OVOL2: variants seen among roughly 807,000 people sequenced by gnomAD.
OVOL2 encodes the protein ovo like zinc finger 2.
OVOL2 carries 13 observed loss-of-function variants against 18.1 expected under a neutral mutation model. The ratio of observed to expected loss-of-function variants is 0.72; its 90% CI spans 0.47 to 1.14. OVOL2 has a LOEUF of 1.14. OVOL2 is among the 50% of genes most tolerant of loss of function. The probability of loss-of-function intolerance (pLI) is 0.00; values close to 1 mark genes in which losing one functional copy is unlikely to be tolerated. For synonymous variants in OVOL2, 166 were observed against 162.7 expected (o/e 1.02, Z -0.16); for missense variants, 335 against 383.0 (o/e 0.87, Z 1.05).
chr20:18,045,005 C>A (rs2036712374), intron 2 of OVOL2, among the ~76,000 whole-genome samples: 1 of 152,196 alleles, frequency 6.6e-6, no homozygotes, highest in African/African-American at 2.4e-5. Context: ...CAAGAGGGAG[C>A]CACTGGAAGA....
rs1485615567 is a variant in OVOL2, at chr20:18,037,009, G to A, written c.511+4525C>T. ...AAATTAGCCAGGCTTGGTAGCGGGC[G>A]CCTGTAGTCCCAGCTACTCGGGAGG... On this transcript the variant is annotated intron_variant, in intron 3 of 3. Transcript: ENST00000278780. 1.4e-4 allele frequency among the ~76,000 whole-genome samples: 21 copies of A among 151,910 alleles called. No homozygotes were observed. The East Asian group carries it at 1.6e-3, about 11-fold the overall frequency.
At chr20:18,043,831 G>A (rs759533829) in intron 2 of OVOL2, among the ~76,000 whole-genome samples, 3 of 152,120 alleles carry the variant, frequency 2.0e-5, no homozygotes, top group Non-Finnish European at 4.4e-5. Context: ...TTCAATTTTA[G>A]TATCTGATTT....
chr20:18,029,401 C>T (rs62206505), intron 3 of OVOL2, among the ~76,000 whole-genome samples: 20,563 of 152,136 alleles, frequency 0.14, 1,550 homozygotes, highest in East Asian at 0.32. Context: ...TTTGTTAAAG[C>T]TTCCCCAGGA....
upstream of OVOL2, chr20:18,058,975 C>T (rs1216142724): frequency 1.3e-5 from 2 of 152,290 alleles, no homozygotes; most frequent in East Asian, 1.9e-4. Flanking sequence ...TGCGGTCGCC[C>T]TCCTCCAGGA....
At chr20:18,049,340 G>T (rs936537762) in intron 2 of OVOL2, among the ~76,000 whole-genome samples, 8 of 152,000 alleles carry the variant, frequency 5.3e-5, no homozygotes, top group Admixed American at 2.0e-4. Flanking sequence ...ACTTCTAAAG[G>T]TGAAAACAAC....
At position 18,056,760 on chromosome 20, in the gene OVOL2, G is replaced by T; in HGVS notation, c.218C>A (p.Ser73Tyr). ...GEPGGAESSS[S>Y]PHAPESETPE... ...GGTTTCGCTCTCGGGGGCGTGCGGGGACGAGCTGCTCTCTGCTCCTCCAGG... is the reference window on the plus strand; with the variant it reads ...GGTTTCGCTCTCGGGGGCGTGCGGGTACGAGCTGCTCTCTGCTCCTCCAGG... Residue 73 changes from serine to tyrosine, a missense_variant, in exon 2 of 4, where the codon TCC becomes TAC. Coordinates refer to ENST00000278780, the MANE Select transcript of OVOL2 (RefSeq NM_021220.4). This position sits in a 1 kb window ranked among gnomAD's most constrained non-coding sequence, Gnocchi z 4.2. 1 of 1,499,726 alleles carries T rather than the reference G, an allele frequency of 6.7e-7. No individual in the cohort carries two copies. The highest frequency in any genetic ancestry group is 8.8e-7 in the Non-Finnish European group (1 of 1,132,016). 92.9% of individuals were successfully genotyped at this position (1,499,726 alleles called of 1,614,324 possible).
chr20:18,046,320 A>C (rs2122716290), intron 2 of OVOL2, among the ~76,000 whole-genome samples: 1 of 152,354 alleles, frequency 6.6e-6, no homozygotes, highest in South Asian at 2.1e-4. Context: ...GAACTTGTGA[A>C]AAAACGGTGG....
intron 2 of OVOL2, among the ~76,000 whole-genome samples, chr20:18,044,901 A>C (rs1300348851): frequency 6.6e-6 from 1 of 152,184 alleles, no homozygotes; most frequent in East Asian, 1.9e-4. Context: ...CTGGGAGAGC[A>C]GTTAATGAAG....
chr20:18,026,119 T>C (rs2036512781), intron 3 of OVOL2, among the ~76,000 whole-genome samples: 1 of 152,222 alleles, frequency 6.6e-6, no homozygotes, highest in African/African-American at 2.4e-5. Flanking sequence ...AGGTACAATA[T>C]AGAGCAGGGA....
At chr20:18,028,340 C>T (rs2036538427) in intron 3 of OVOL2, among the ~76,000 whole-genome samples, 1 of 151,828 alleles carries the variant, frequency 6.6e-6, no homozygotes, top group Admixed American at 6.6e-5. Flanking sequence ...CAACAGCCAT[C>T]TAATTTTTTT....
At chr20:18,058,411 C>CA (rs112080002), upstream of OVOL2, among the ~76,000 whole-genome samples, 1 of 149,932 alleles carries the variant, frequency 6.7e-6, no homozygotes, top group African/African-American at 2.5e-5. Context: ...AACACCCCCC[C>CA]CCCATAAGCA....
At position 18,024,449 on chromosome 20, in the gene OVOL2, G is replaced by T; in HGVS notation, c.*187C>A. ...TGCGCCAGACAGGACACAGGTTACA[G>T]GGCCTGACGTCACTAACGGCAACTG... is the stretch of plus-strand genomic sequence containing the variant. On this transcript the variant is annotated 3_prime_UTR_variant, in exon 4 of 4. Transcript: ENST00000278780. The T allele has an allele frequency of 7.7e-7, 1 of 1,296,318 alleles. No homozygotes were observed. The allele number at this position is 1,296,318 out of a possible 1,614,324, so 80.3% of individuals were successfully genotyped here. A position where few individuals can be genotyped will look rare whatever the true frequency, so the allele number is the denominator to read the frequency against.
chr20:18,052,646 A>G (rs2036780726), intron 2 of OVOL2, among the ~76,000 whole-genome samples: 1 of 152,238 alleles, frequency 6.6e-6, no homozygotes, highest in Admixed American at 6.5e-5. Context: ...CTGCACCACT[A>G]CAAGACTCGA....
At chr20:18,025,697 G>C (rs558521755) in intron 3 of OVOL2, among the ~76,000 whole-genome samples, 166 of 152,316 alleles carry the variant, frequency 1.1e-3, no homozygotes, top group African/African-American at 3.9e-3. Flanking sequence ...GGAGGGGTAG[G>C]ATCCAGTAGA....
At chr20:18,036,579 T>A (rs1374934134) in intron 3 of OVOL2, among the ~76,000 whole-genome samples, 2 of 152,142 alleles carry the variant, frequency 1.3e-5, no homozygotes, top group Non-Finnish European at 2.9e-5. Flanking sequence ...CTAACTTAAA[T>A]GATTTTCAGC....
At chr20:18,031,321 G>A (rs569666506) in intron 3 of OVOL2, among the ~76,000 whole-genome samples, 1 of 152,274 alleles carries the variant, frequency 6.6e-6, no homozygotes, top group African/African-American at 2.4e-5. Context: ...AGTTCTCAAT[G>A]GGATACAGCT....
At chr20:18,026,586 T>G (rs559635574) in intron 3 of OVOL2, among the ~76,000 whole-genome samples, 6 of 152,268 alleles carry the variant, frequency 3.9e-5, no homozygotes, top group Non-Finnish European at 8.8e-5. Flanking sequence ...TTTCACCATG[T>G]TAGCCAGAAT....
In OVOL2 at chr20:18,046,075, C is replaced by T. The variant is rs1242083546; in HGVS notation, c.322-4352G>A. 3.3e-5 allele frequency among the ~76,000 whole-genome samples: 5 copies of T among 152,146 alleles called. No individual in the cohort carries two copies. The East Asian group carries it at 9.6e-4, about 29-fold the overall frequency. ...CCAGCCATCAGATATTAACAAATTA[C>T]ACTCAAAGTCTTCAGGAGCCTTGTT... On this transcript the variant is annotated intron_variant, in intron 2 of 3. Coordinates refer to ENST00000278780, the MANE Select transcript of OVOL2 (RefSeq NM_021220.4).
rs1028994844 is a variant in OVOL2 at position 18,057,799 on chromosome 20, C to T, written c.-165G>A. 20 of 1,374,222 alleles carry T rather than the reference C, an allele frequency of 1.5e-5. 1 individual carries two copies. In the South Asian group the frequency reaches 3.2e-4, roughly 22 times the overall value. 85.1% of individuals were successfully genotyped at this position (1,374,222 alleles called of 1,614,324 possible). A position where few individuals can be genotyped will look rare whatever the true frequency, so the allele number is the denominator to read the frequency against. ...CGCGGCGCGGCCCAGGCCTCTCCCC[C>T]GCACGCCTGGCGACTCCCAGCCTCC... On this transcript the variant is annotated 5_prime_UTR_variant, in exon 1 of 4. Transcript: ENST00000278780. This position sits in a 1 kb window ranked among gnomAD's most constrained non-coding sequence, Gnocchi z 6.3.
Sources: gnomAD v4.1 joint callset for allele counts (sites outside exome capture counted in the v4.1 genomes callset) on GRCh38, gnomAD v4.1.1 for gene constraint, Gnocchi (gnomAD v3.1) non-coding constraint, MANE v1.5 for transcripts, NCBI Gene and HGNC (gene_info 2026-07-23, HGNC 2026-07-21) for gene names.